Variants in RAPGEFL1 observed in about 807,000 individuals in gnomAD.
RAPGEFL1 encodes rap guanine nucleotide exchange factor-like 1.
RAPGEFL1 carries 31 observed loss-of-function variants against 64.4 expected under a neutral mutation model. That is an observed-to-expected ratio of 0.48 (90% CI 0.36 to 0.65). The LOEUF is 0.65. RAPGEFL1 is among the 30% of genes least tolerant of loss of function. RAPGEFL1 has a pLI of 0.00. For missense variants in RAPGEFL1, 682 were observed against 677.4 expected (o/e 1.01, Z -0.08); for synonymous variants, 331 against 274.1 (o/e 1.21, Z -2.05).
chr17:40,192,945 A>T lies in RAPGEFL1; in HGVS notation c.1764A>T (p.Glu588Asp), dbSNP rs773026951. 7 of 1,613,802 alleles carry T rather than the reference A, an allele frequency of 4.3e-6. No individual in the cohort carries two copies. The highest frequency in any genetic ancestry group is 5.9e-6 in the Non-Finnish European group (7 of 1,179,834). ...LILKDLTFLH[E>D]GSKTLVDGLV... ...CCCTAGACCTGACTTTCCTGCACGA[A>T]GGGAGTAAGACCCTTGTAGATGGTT... Residue 588 changes from glutamate (E) to aspartate (D), a missense_variant, in exon 13 of 15, where the codon GAA (glutamate) becomes GAT (aspartate). By Grantham distance (45) the Glu-to-Asp change is conservative (BLOSUM62 2). This residue lies in a region of RAPGEFL1 where 411 missense variants were observed against 519.4 expected (regional missense o/e 0.79). Coordinates refer to ENST00000620260, the MANE Select transcript of RAPGEFL1 (RefSeq NM_016339.6).
chr17:40,190,830 C>A, intron 8 of RAPGEFL1, 68 bp downstream of exon 8: 1 of 1,587,856 alleles, frequency 6.3e-7, no homozygotes, highest in Non-Finnish European at 8.6e-7. Context: ...AGACGGTGTT[C>A]GCAGCACAAC....
intron 1 of RAPGEFL1, 106 bp from the exon 2 acceptor site, chr17:40,181,510 G>A (rs1355245422): frequency 2.9e-6 from 2 of 681,554 alleles, no homozygotes; most frequent in African/African-American, 3.5e-5. Flanking sequence ...GCTCCAGCCT[G>A]GCTAAAGAGA....
intron 12 of RAPGEFL1, 26 bp from the exon 13 acceptor site, chr17:40,192,900 C>G: frequency 6.3e-7 from 1 of 1,588,324 alleles, no homozygotes; most frequent in Non-Finnish European, 8.6e-7. Flanking sequence ...CCTTTCCTCA[C>G]ATTGGATTCT....
At chr17:40,188,376 T>C (rs144653641) in intron 4 of RAPGEFL1, among the ~76,000 whole-genome samples, 1 of 152,272 alleles carries the variant, frequency 6.6e-6, no homozygotes, top group Non-Finnish European at 1.5e-5. Flanking sequence ...TCCTGCCTGG[T>C]ATTAGAAGTA....
intron 6 of RAPGEFL1, 67 bp downstream of exon 6, chr17:40,189,442 G>C: frequency 6.5e-7 from 1 of 1,548,534 alleles, no homozygotes; most frequent in Non-Finnish European, 8.8e-7. Context: ...GGCTCTGGGG[G>C]AGGGGTAGAG....
At position 40,189,312 on chromosome 17, in the gene RAPGEFL1, T is replaced by C. The variant is rs763633018; in HGVS notation, c.1051T>C (p.Tyr351His). The change falls in exon 6 of 15, where the codon TAT becomes CAT. Residue 351 changes from tyrosine to histidine, a missense_variant. This residue lies in a region of RAPGEFL1 where 411 missense variants were observed against 519.4 expected (regional missense o/e 0.79). Transcript: ENST00000620260. ...ILGSVTEKLQ[Y>H]SEEPAGREDS... ...GGGCTCTGTGACGGAGAAACTTCAA[T>C]ATTCAGAGGAGCCCGCGGGGCGTGA... 1.2e-6 allele frequency: 2 copies of C among 1,614,056 alleles called. No individual in the cohort carries two copies. The highest frequency in any genetic ancestry group is 1.7e-6 in the Non-Finnish European group (2 of 1,180,030).
At position 40,177,495 on chromosome 17, in the gene RAPGEFL1, C is replaced by A; in HGVS notation, c.-367C>A. The A allele has an allele frequency of 1.6e-6, 1 of 606,700 alleles. No homozygotes were observed. The highest frequency in any genetic ancestry group is 2.9e-6 in the Non-Finnish European group (1 of 342,660). 37.6% of individuals were successfully genotyped at this position (606,700 alleles called of 1,614,324 possible). On this transcript the variant is annotated 5_prime_UTR_variant, in exon 1 of 15. Transcript: ENST00000620260. The stretch of plus-strand genomic sequence containing the variant: ...CCTTCCCCCTCTTCACGGCCAGGAG[C>A]GCAGCCGCCGCCGCCGCCGCCGCCG...
intron 1 of RAPGEFL1, among the ~76,000 whole-genome samples, chr17:40,178,723 A>C (rs1338285822): frequency 1.3e-5 from 2 of 152,164 alleles, no homozygotes; most frequent in African/African-American, 4.8e-5. Context: ...AGGGCCTGAC[A>C]CATTAAAATG....
In RAPGEFL1 at chr17:40,177,585, G is replaced by A; in HGVS notation, c.-277G>A. ...CCGCAGCGCAGAGCCGGGCGCACCG[G>A]CCCCGCAGCCTGCCCACTCTTCGGG... On this transcript the variant is annotated 5_prime_UTR_variant, in exon 1 of 15. Transcript: ENST00000620260. 1 of 395,526 alleles carries A rather than the reference G, an allele frequency of 2.5e-6. No individual in the cohort carries two copies. The allele number at this position is 395,526 out of a possible 1,614,324, so 24.5% of individuals were successfully genotyped here.
chr17:40,192,479 A>G, intron 11 of RAPGEFL1, 127 bp from the exon 12 acceptor site: 1 of 957,082 alleles, frequency 1.0e-6, no homozygotes, highest in Non-Finnish European at 1.6e-6. Context: ...CCACACCATT[A>G]GAAAGCCCCC....
At chr17:40,188,829 G>T in intron 4 of RAPGEFL1, 37 bp from the exon 5 acceptor site, 3 of 1,554,018 alleles carry the variant, frequency 1.9e-6, no homozygotes, top group Admixed American at 1.7e-5. Context: ...CCATATGCCT[G>T]GCAGGGCGTG....
intron 4 of RAPGEFL1, among the ~76,000 whole-genome samples, chr17:40,185,784 A>G (rs1182438099): frequency 1.2e-4 from 14 of 115,380 alleles, no homozygotes; most frequent in African/African-American, 5.7e-4. Context: ...ATTCTGTCTC[A>G]AAAAAAAAAA....
chr17:40,184,110 C>T, intron 2 of RAPGEFL1, 104 bp from the exon 3 acceptor site: 1 of 873,362 alleles, frequency 1.1e-6, no homozygotes, highest in Non-Finnish European at 1.9e-6. Flanking sequence ...TCCCAAACTG[C>T]TGGGATTATA....
intron 1 of RAPGEFL1, among the ~76,000 whole-genome samples, chr17:40,179,642 A>G (rs962445151): frequency 6.6e-6 from 1 of 152,188 alleles, no homozygotes; most frequent in African/African-American, 2.4e-5. Flanking sequence ...AAGGCCCCAA[A>G]TCTGGTTAGT....
At chr17:40,185,541 G>T (rs1990038149) in intron 4 of RAPGEFL1, among the ~76,000 whole-genome samples, 1 of 130,140 alleles carries the variant, frequency 7.7e-6, no homozygotes, top group East Asian at 2.1e-4. Flanking sequence ...AAAAAAAAAA[G>T]GCTGTGTGCC....
At chr17:40,190,368 G>A in intron 6 of RAPGEFL1, 66 bp from the exon 7 acceptor site, 2 of 1,387,568 alleles carry the variant, frequency 1.4e-6, no homozygotes, top group Non-Finnish European at 2.1e-6. Flanking sequence ...ATAGGACAGT[G>A]TCAGTGTGGG....
In RAPGEFL1 at chr17:40,188,992, T is replaced by C. The variant is rs777442068; in HGVS notation, c.946+14T>C. 1 of 1,609,012 alleles carries C rather than the reference T, an allele frequency of 6.2e-7. No individual in the cohort carries two copies. Among genetic ancestry groups the C allele is most frequent in the Non-Finnish European group, 8.5e-7 (1 of 1,175,648 alleles). Reference sequence around the variant, plus strand: ...GCTCTGATGAGAGTGAGTGTGGGCATTAGGAGGGGCAGGGTGTCCTGAGTG... The same window carrying C: ...GCTCTGATGAGAGTGAGTGTGGGCACTAGGAGGGGCAGGGTGTCCTGAGTG... On this transcript the variant is annotated intron_variant, in intron 5 of 14. Coordinates refer to ENST00000620260, the MANE Select transcript of RAPGEFL1 (RefSeq NM_016339.6).
Position 40,190,768 on chromosome 17 carries a change from G to C in RAPGEFL1, c.1335+6G>C. The C allele has an allele frequency of 6.2e-7, 1 of 1,614,046 alleles. No homozygotes were observed. Among genetic ancestry groups the C allele is most frequent in the South Asian group, 1.1e-5 (1 of 91,052 alleles). Reference sequence around the variant, plus strand: ...TGTTCCGATGTGTGCATGAGGTGGGGACCGAGGCTGGTGCTATGCTGGGGG... The same window carrying C: ...TGTTCCGATGTGTGCATGAGGTGGGCACCGAGGCTGGTGCTATGCTGGGGG... On this transcript the variant is annotated splice_donor_region_variant and intron_variant, in intron 8 of 14. Transcript: ENST00000620260.
intron 1 of RAPGEFL1, chr17:40,181,192 A>C: frequency 2.6e-6 from 1 of 392,146 alleles, no homozygotes. Flanking sequence ...GGGGAGGGGA[A>C]GAGGGATACA....
Sources: allele counts gnomAD v4.1 joint callset (sites outside exome capture counted in the v4.1 genomes callset), GRCh38; gene constraint gnomAD v4.1.1; regional missense constraint gnomAD v4.1.1; transcripts MANE v1.5; gene names NCBI Gene and HGNC (gene_info 2026-07-23, HGNC 2026-07-21).